The following FEZ2 variants were observed in gnomAD, a reference collection of about 807,000 sequenced individuals.
FEZ2 encodes fasciculation and elongation protein zeta-2.
Under a neutral mutation model 40.4 loss-of-function variants are expected in FEZ2, and 51 were observed. That is an observed-to-expected ratio of 1.26 (90% confidence interval 1.01 to 1.59). FEZ2 has a LOEUF of 1.59. Among genes scored for constraint, FEZ2 ranks in the 40% most tolerant of loss-of-function variants. The probability of loss-of-function intolerance (pLI) is 0.00; values close to 1 mark genes in which losing one functional copy is unlikely to be tolerated. For missense variants in FEZ2, 640 were observed against 438.3 expected (o/e 1.46, Z -4.11); for synonymous variants, 242 against 172.0 (o/e 1.41, Z -3.18).
chr2:36,561,208 T>C (rs1045563070), intron 5 of FEZ2: 1 of 175,682 alleles, frequency 5.7e-6, no homozygotes, highest in Non-Finnish European at 1.2e-5. Context: ...TGATATTATT[T>C]ACCTACATTT....
intron 2 of FEZ2, among the ~76,000 whole-genome samples, chr2:36,588,484 A>G (rs1668971998): frequency 1.3e-5 from 2 of 152,180 alleles, no homozygotes; most frequent in African/African-American, 4.8e-5. Flanking sequence ...TACAAGACAT[A>G]CAGCAGTCCC....
At chr2:36,588,028 G>GT (rs879658546) in intron 2 of FEZ2, among the ~76,000 whole-genome samples, 109 of 147,076 alleles carry the variant, frequency 7.4e-4, no homozygotes, top group East Asian at 3.6e-3. Flanking sequence ...AGGTAAGGCT[G>GT]TTTTTTTTTT....
At chr2:36,591,183 G>A (rs1669062175) in intron 1 of FEZ2, 172 bp from the exon 2 acceptor site, 1 of 596,172 alleles carries the variant, frequency 1.7e-6, no homozygotes, top group South Asian at 2.0e-5. Flanking sequence ...CAAAAACGAG[G>A]TGAAAAATCA....
intron 5 of FEZ2, among the ~76,000 whole-genome samples, chr2:36,563,943 GT>G (rs1038665576): frequency 1.3e-5 from 2 of 152,164 alleles, no homozygotes; most frequent in African/African-American, 4.8e-5. Flanking sequence ...AAATGCCAGT[GT>G]TCCCTAGGAT....
intron 4 of FEZ2, 127 bp from the exon 5 acceptor site, chr2:36,578,992 T>G (rs1312944724): frequency 2.7e-6 from 2 of 741,948 alleles, no homozygotes; most frequent in African/African-American, 1.8e-5. Context: ...AAAATCATAT[T>G]CCAAGCAATT....
intron 5 of FEZ2, among the ~76,000 whole-genome samples, chr2:36,570,526 A>C (rs1273457985): frequency 6.6e-6 from 1 of 152,228 alleles, no homozygotes; most frequent in African/African-American, 2.4e-5. Context: ...TTCCTTCCTG[A>C]AACATAAATA....
intron 5 of FEZ2, among the ~76,000 whole-genome samples, chr2:36,575,636 T>C (rs1476565627): frequency 2.0e-5 from 3 of 152,246 alleles, no homozygotes; most frequent in African/African-American, 7.2e-5. Context: ...TATAAGATAA[T>C]ACTTTCTGTA....
intron 3 of FEZ2, among the ~76,000 whole-genome samples, chr2:36,582,487 G>T (rs1558454910): frequency 1.3e-5 from 2 of 152,158 alleles, no homozygotes; most frequent in African/African-American, 4.8e-5. Context: ...GTATTAGGCA[G>T]GTCAGTGAGG....
chr2:36,565,489 G>A (rs949082392), intron 5 of FEZ2, among the ~76,000 whole-genome samples: 1 of 151,968 alleles, frequency 6.6e-6, no homozygotes, highest in Non-Finnish European at 1.5e-5. Context: ...TCACCATAAT[G>A]AGCAGCCTGC....
At chr2:36,578,069 AG>A (rs1477098721) in intron 5 of FEZ2, among the ~76,000 whole-genome samples, 3 of 152,242 alleles carry the variant, frequency 2.0e-5, no homozygotes, top group Non-Finnish European at 2.9e-5. Flanking sequence ...GCCAAATACT[AG>A]GCCACATGGC....
chr2:36,558,649 A>G (rs1350744414), intron 5 of FEZ2, 136 bp from the exon 6 acceptor site: 3 of 482,530 alleles, frequency 6.2e-6, no homozygotes, highest in Non-Finnish European at 1.1e-5. Context: ...CAGGTATTGT[A>G]TGGGAATAAA....
chr2:36,570,802 C>A (rs928241413), intron 5 of FEZ2, among the ~76,000 whole-genome samples: 1 of 152,152 alleles, frequency 6.6e-6, no homozygotes, highest in Admixed American at 6.5e-5. Flanking sequence ...AGAAAAAGTA[C>A]AGTAAAAATA....
intron 1 of FEZ2, 51 bp downstream of exon 1, chr2:36,597,826 C>T (rs1236350544): frequency 7.8e-7 from 1 of 1,282,532 alleles, no homozygotes; most frequent in Non-Finnish European, 9.9e-7. Flanking sequence ...GCCGGTCGGG[C>T]GAGGGGTAGG....
At chr2:36,553,222 T>C (rs945296136) in intron 7 of FEZ2, 43 bp from the exon 8 acceptor site, 2 of 1,387,126 alleles carry the variant, frequency 1.4e-6, no homozygotes, top group Non-Finnish European at 2.0e-6. Flanking sequence ...GTATATTTTG[T>C]ATACATTTAC....
intron 3 of FEZ2, among the ~76,000 whole-genome samples, chr2:36,583,094 GCAA>G (rs1490901140): frequency 6.6e-6 from 1 of 152,184 alleles, no homozygotes; most frequent in Non-Finnish European, 1.5e-5. Flanking sequence ...TTGGGGTTAA[GCAA>G]CAACCTTTCC....
At chr2:36,593,143 G>A (rs1171745940) in intron 1 of FEZ2, among the ~76,000 whole-genome samples, 6 of 152,220 alleles carry the variant, frequency 3.9e-5, no homozygotes, top group Admixed American at 1.3e-4. Context: ...AGACTGGGAC[G>A]AAAAAGAGGT....
chr2:36,566,050 T>C lies in FEZ2; in HGVS notation c.904-7537A>G, dbSNP rs1334163062. Among the ~76,000 whole-genome samples, 5 of 152,334 alleles carry C rather than the reference T, an allele frequency of 3.3e-5. No individual in the cohort carries two copies. In the East Asian group the frequency reaches 9.6e-4, roughly 29 times the overall value. On this transcript the variant is annotated intron_variant, in intron 5 of 7. Coordinates refer to ENST00000405912, the MANE Select transcript of FEZ2 (RefSeq NM_005102.3). ...ACATTCCTGGAAAACTGAAATTGGT[T>C]CTACATCCTTAACACCCATGCCAGG...
At position 36,552,688 on chromosome 2, in the gene FEZ2, TTC is replaced by T. The variant is rs1011700091; in HGVS notation, c.*473_*474del. ...TGCTTCTTCAAGAACAGCCCGTTTA[TTC>T]TGTTTCAATCTCTCTGAACAATACT... On this transcript the variant is annotated 3_prime_UTR_variant, in exon 8 of 8. Coordinates refer to ENST00000405912, the MANE Select transcript of FEZ2 (RefSeq NM_005102.3). 9.9e-6 allele frequency: 2 copies of T among 202,062 alleles called. No homozygotes were observed. Among genetic ancestry groups the T allele is most frequent in the African/African-American group, 4.8e-5 (2 of 42,048 alleles). 12.5% of individuals were successfully genotyped at this position (202,062 alleles called of 1,614,324 possible).
In FEZ2 at chr2:36,586,353, G is replaced by A. The variant is rs575939678; in HGVS notation, c.376-2884C>T. Among the ~76,000 whole-genome samples the A allele has an allele frequency of 3.2e-4, 49 of 152,266 alleles. No homozygotes were observed. The East Asian group carries it at 3.5e-3, about 11-fold the overall frequency. On this transcript the variant is annotated intron_variant, in intron 2 of 7. Coordinates refer to ENST00000405912, the MANE Select transcript of FEZ2 (RefSeq NM_005102.3). Reference sequence around the variant, plus strand: ...AAGTTTTAATTTTAAAATTAATCCGGGGTGGGCACAGTGGCTCATGCCTGT... The same window carrying A: ...AAGTTTTAATTTTAAAATTAATCCGAGGTGGGCACAGTGGCTCATGCCTGT...
Sources: allele counts gnomAD v4.1 joint callset (sites outside exome capture counted in the v4.1 genomes callset), GRCh38; gene constraint gnomAD v4.1.1; transcripts MANE v1.5; gene names NCBI Gene and HGNC (gene_info 2026-07-23, HGNC 2026-07-21).